The following INO80C variants were observed in gnomAD, a reference collection of about 807,000 sequenced individuals.
INO80C encodes the protein IES6 homolog.
In INO80C, 17 loss-of-function variants were observed where a neutral mutation model predicts 17.7. That is an observed-to-expected ratio of 0.96 (90% CI 0.66 to 1.44). INO80C has a LOEUF of 1.44. Ranked by LOEUF, INO80C falls within the 40% of genes most tolerant of loss-of-function variation. The probability of loss-of-function intolerance (pLI) is 0.00; values close to 1 mark genes in which losing one functional copy is unlikely to be tolerated. For missense variants in INO80C, 244 were observed against 245.0 expected (o/e 1.00, Z 0.03); for synonymous variants, 96 against 95.8 (o/e 1.00, Z -0.01).
chr18:35,484,798 C>G (rs1432542933), intron 1 of INO80C, among the ~76,000 whole-genome samples: 1 of 152,116 alleles, frequency 6.6e-6, no homozygotes, highest in Non-Finnish European at 1.5e-5. Flanking sequence ...GTATTATTCT[C>G]TAAGAACCAG....
chr18:35,480,297 C>G (rs950767262), intron 2 of INO80C, among the ~76,000 whole-genome samples, 156 bp downstream of exon 2: 3 of 152,144 alleles, frequency 2.0e-5, no homozygotes, highest in African/African-American at 7.2e-5. Context: ...CAGAAAGAAC[C>G]CTTCTCTTGT....
chr18:35,476,504 T>C (rs2045737974), intron 4 of INO80C, among the ~76,000 whole-genome samples: 1 of 152,214 alleles, frequency 6.6e-6, no homozygotes, highest in African/African-American at 2.4e-5. Flanking sequence ...TCTCCGTTTT[T>C]CATAAATCTA....
chr18:35,472,173 G>A (rs1367388651), intron 4 of INO80C, among the ~76,000 whole-genome samples: 3 of 152,154 alleles, frequency 2.0e-5, no homozygotes, highest in Admixed American at 6.5e-5. Flanking sequence ...TTAAGGAATC[G>A]CCACACTGTC....
chr18:35,476,645 C>T (rs1198680830), intron 4 of INO80C, among the ~76,000 whole-genome samples: 2 of 152,100 alleles, frequency 1.3e-5, no homozygotes, highest in South Asian at 2.1e-4. Context: ...ACAACCATAT[C>T]AACAATCACT....
intron 1 of INO80C, among the ~76,000 whole-genome samples, chr18:35,490,289 G>T (rs1256305870): frequency 6.6e-6 from 1 of 152,096 alleles, no homozygotes; most frequent in African/African-American, 2.4e-5. Context: ...TGTGCCACAG[G>T]ACTACTCAAT....
intron 4 of INO80C, among the ~76,000 whole-genome samples, chr18:35,469,635 A>G (rs1598733542): frequency 6.6e-6 from 1 of 152,050 alleles, no homozygotes; most frequent in Admixed American, 6.5e-5. Context: ...TCAGAACCTC[A>G]CCCTCCACTT....
Position 35,497,793 on chromosome 18 carries a change from A to T in INO80C, c.82T>A (p.Ser28Thr). 1 of 1,612,736 alleles carries T rather than the reference A, an allele frequency of 6.2e-7. No individual in the cohort carries two copies. Among genetic ancestry groups the T allele is most frequent in the Non-Finnish European group, 8.5e-7 (1 of 1,179,390 alleles). ...CCCCCGCCGCTGCTGCCATTGTGGG[A>T]AGGGCTGGCCGGCCTCTTCTTGCTG... is the stretch of plus-strand genomic sequence containing the variant. ...RNSKKRPASP[S>T]HNGSSGGGYG... The change falls in exon 1 of 5, where the codon TCC becomes ACC. Residue 28 changes from serine to threonine, a missense_variant. By Grantham distance (58) the Ser-to-Thr change is moderately conservative (BLOSUM62 1). Transcript: ENST00000334598.
chr18:35,480,632 A>G lies in INO80C; in HGVS notation c.157-69T>C, dbSNP rs143653501. 1.7e-3 allele frequency: 1,908 copies of G among 1,151,122 alleles called. 18 individuals are homozygous for G. In the African/African-American group the frequency reaches 0.025, roughly 15 times the overall value. The allele number at this position is 1,151,122 out of a possible 1,614,324, so 71.3% of individuals were successfully genotyped here. Reference sequence around the variant, plus strand: ...AGCTGAGTTCCCCACCTCTGCTCTCAACAGGGCATACGATGATGCCACAGG... The same window carrying G: ...AGCTGAGTTCCCCACCTCTGCTCTCGACAGGGCATACGATGATGCCACAGG... On this transcript the variant is annotated intron_variant, in intron 1 of 4. Transcript: ENST00000334598.
In INO80C at chr18:35,480,573, T is replaced by A. The variant is rs1170734185; in HGVS notation, c.157-10A>T. ...CTTCCATGCTGATACCCTTAAAACA[T>A]AATAAAAATAGTTTGAAGAAGTCAG... is the stretch of plus-strand genomic sequence containing the variant. On this transcript the variant is annotated splice_polypyrimidine_tract_variant and intron_variant, in intron 1 of 4. Coordinates refer to ENST00000334598, the MANE Select transcript of INO80C (RefSeq NM_194281.4). 6.3e-7 allele frequency: 1 copy of A among 1,582,538 alleles called. No individual in the cohort carries two copies. Among genetic ancestry groups the A allele is most frequent in the Non-Finnish European group, 8.7e-7 (1 of 1,151,302 alleles).
At chr18:35,476,938 A>G (rs2045744310) in intron 4 of INO80C, among the ~76,000 whole-genome samples, 1 of 152,206 alleles carries the variant, frequency 6.6e-6, no homozygotes, top group East Asian at 1.9e-4. Flanking sequence ...TTAAATATAT[A>G]GATAGTTTAA....
rs1598742110 is a variant in INO80C, at chr18:35,480,534, A to T, written c.186T>A (p.Asn62Lys). 6.2e-7 allele frequency: 1 copy of T among 1,613,566 alleles called. No individual in the cohort carries two copies. The highest frequency in any genetic ancestry group is 1.3e-5 in the African/African-American group (1 of 74,926). ...TGCTAAACTCAGAGGGCACCATTTT[A>T]TTCTCACTCATGGCTTCCATGCTGA... ...QGISMEAMSE[N>K]KMVPSEFSTG... Residue 62 changes from asparagine (N) to lysine (K), a missense_variant, in exon 2 of 5, where the codon AAT (asparagine) becomes AAA (lysine). Transcript: ENST00000334598.
chr18:35,483,476 G>A (rs530052392), intron 1 of INO80C: 20 of 152,408 alleles, frequency 1.3e-4, no homozygotes, highest in Admixed American at 1.1e-3. Context: ...AAGAAAGGGG[G>A]ACAAGGAGAG....
Position 35,480,563 on chromosome 18 carries a change from C to T in INO80C, c.157G>A (p.Gly53Ser). 1 of 1,600,438 alleles carries T rather than the reference C, an allele frequency of 6.2e-7. No individual in the cohort carries two copies. Among genetic ancestry groups the T allele is most frequent in the Non-Finnish European group, 8.6e-7 (1 of 1,167,490 alleles). ...KKASASSFAQ[G>S]ISMEAMSENK... ...TCACTCATGGCTTCCATGCTGATAC[C>T]CTTAAAACATAATAAAAATAGTTTG... Residue 53 changes from glycine (G) to serine (S), a missense_variant and splice_region_variant, in exon 2 of 5, where the codon GGT (glycine) becomes AGT (serine). Coordinates refer to ENST00000334598, the MANE Select transcript of INO80C (RefSeq NM_194281.4).
intron 1 of INO80C, among the ~76,000 whole-genome samples, chr18:35,491,579 C>G (rs774872251): frequency 6.6e-6 from 1 of 152,060 alleles, no homozygotes; most frequent in African/African-American, 2.4e-5. Context: ...CTGCCCCAGG[C>G]CAGAGCTGGT....
Position 35,496,034 on chromosome 18 carries a change from G to A in INO80C, c.156+1685C>T, listed in dbSNP as rs144107024. ...AATACTCTGTATTGTTGAGGATTTC[G>A]AGCAACTGGCACTCTCATACTTTGC... On this transcript the variant is annotated intron_variant, in intron 1 of 4. Transcript: ENST00000334598. Among the ~76,000 whole-genome samples, 70 of 152,262 alleles carry A rather than the reference G, an allele frequency of 4.6e-4. 2 individuals are homozygous for A. The East Asian group carries it at 0.013, about 29-fold the overall frequency.
At chr18:35,470,222 CTTAT>C (rs2045653168) in intron 4 of INO80C, among the ~76,000 whole-genome samples, 1 of 152,172 alleles carries the variant, frequency 6.6e-6, no homozygotes, top group Non-Finnish European at 1.5e-5. Flanking sequence ...CTGTCGGGAA[CTTAT>C]TTATAGGCTT....
In INO80C at chr18:35,488,492, G is replaced by C. The variant is rs539257652; in HGVS notation, c.157-7929C>G. Among the ~76,000 whole-genome samples, 198 of 55,464 alleles carry C rather than the reference G, an allele frequency of 3.6e-3. 2 individuals are homozygous for C. The highest frequency in any genetic ancestry group is 9.6e-3 in the African/African-American group (189 of 19,696). 36.4% of individuals were successfully genotyped at this position (55,464 alleles called of 152,430 possible). ...CAGCCGTGGCCCAAGCTCTACCTTG[G>C]CCCCTTTTACCATGGCTGGAGTGGC... On this transcript the variant is annotated intron_variant, in intron 1 of 4. Transcript: ENST00000334598.
chr18:35,478,351 T>TG lies in INO80C; in HGVS notation c.380-3dup, dbSNP rs777902203. The TG allele has an allele frequency of 2.1e-3, 3,122 of 1,492,190 alleles. 1 individual carries two copies. The East Asian group carries it at 0.055, about 27-fold the overall frequency. The allele number at this position is 1,492,190 out of a possible 1,614,324, so 92.4% of individuals were successfully genotyped here. On this transcript the variant is annotated splice_region_variant and splice_polypyrimidine_tract_variant and intron_variant, in intron 3 of 4. Coordinates refer to ENST00000334598, the MANE Select transcript of INO80C (RefSeq NM_194281.4). ...ATGGAGGAGCATCAATACTGAAGTCTGGGAAAAAAAAAAAAAAAAGATAAC... is the reference window on the plus strand; with the variant it reads ...ATGGAGGAGCATCAATACTGAAGTCTGGGGAAAAAAAAAAAAAAAAGATAAC...
intron 1 of INO80C, among the ~76,000 whole-genome samples, chr18:35,482,765 C>T (rs2045827401): frequency 6.6e-6 from 1 of 152,154 alleles, no homozygotes; most frequent in Non-Finnish European, 1.5e-5. Context: ...CCCTTCCGCA[C>T]CCCACTCTCC....
Sources: gnomAD v4.1 joint callset for allele counts (sites outside exome capture counted in the v4.1 genomes callset) on GRCh38, gnomAD v4.1.1 for gene constraint, MANE v1.5 for transcripts, NCBI Gene and HGNC (gene_info 2026-07-23, HGNC 2026-07-21) for gene names.